Variants in CALN1 observed in about 807,000 individuals in gnomAD.
CALN1 encodes calcium-binding protein 8.
CALN1 carries 17 observed loss-of-function variants against 30.6 expected under a neutral mutation model. That is an observed-to-expected ratio of 0.56 (90% CI 0.38 to 0.83). The LOEUF (loss-of-function observed/expected upper bound fraction) is 0.83. Among genes scored for constraint, CALN1 ranks in the 40% least tolerant of loss-of-function variants. The probability of loss-of-function intolerance (pLI) is 0.00; values close to 1 mark genes in which losing one functional copy is unlikely to be tolerated. For missense variants in CALN1, 291 were observed against 354.9 expected, an observed-to-expected ratio of 0.82 and a Z score of 1.45; for synonymous variants, 156 against 131.4, an observed-to-expected ratio of 1.19 and a Z score of -1.28.
At chr7:72,481,138 A>G in the CALN1 span, among the ~76,000 whole-genome samples, 2 of 152,172 alleles carry the variant, frequency 1.3e-5, no homozygotes, top group Admixed American at 6.5e-5. Context: ...TTTCTGGTAG[A>G]GACGGGTTTT....
intron 5 of CALN1, among the ~76,000 whole-genome samples, chr7:71,985,015 T>C (rs1298702215): frequency 6.6e-6 from 1 of 152,118 alleles, no homozygotes; most frequent in Non-Finnish European, 1.5e-5. Flanking sequence ...CTTGAGTTAT[T>C]ATTTCTCTGC....
At chr7:71,880,526 A>T (rs1433665128) in intron 5 of CALN1, among the ~76,000 whole-genome samples, 1 of 151,316 alleles carries the variant, frequency 6.6e-6, no homozygotes, top group Non-Finnish European at 1.5e-5. Context: ...TGTTTAGGGG[A>T]TCCTATCTGG....
chr7:72,181,109 C>A (rs1173068330), intron 3 of CALN1, among the ~76,000 whole-genome samples: 5 of 53,438 alleles, frequency 9.4e-5, no homozygotes, highest in Admixed American at 1.9e-4. Context: ...CCCCCCCCCC[C>A]CAAAAAAAAA....
chr7:72,360,396 C>A (rs1455459157), intron 2 of CALN1, among the ~76,000 whole-genome samples: 1 of 151,816 alleles, frequency 6.6e-6, no homozygotes, highest in Non-Finnish European at 1.5e-5. Context: ...GTTTTTGGTA[C>A]TATTTTTACA....
chr7:72,349,282 TTGTGTGTGTGTGTGTG>T lies in CALN1; in HGVS notation c.119+53953_119+53968del, dbSNP rs3032183. Among the ~76,000 whole-genome samples the T allele has an allele frequency of 3.3e-3, 482 of 147,848 alleles. 2 individuals are homozygous for T. Among genetic ancestry groups the T allele is most frequent in the Middle Eastern group, 0.021 (6 of 288 alleles). The stretch of plus-strand genomic sequence containing the variant: ...AGAGAGAGACTGTAAACACGCGTGC[TTGTGTGTGTGTGTGTG>T]TGTGTGTGTGTGTGTGTGTGTGTGT... On this transcript the variant is annotated intron_variant, in intron 2 of 6. Transcript: ENST00000395275.
intron 1 of CALN1, 91 bp downstream of exon 1, chr7:72,411,967 A>C (rs1047060235): frequency 1.3e-5 from 2 of 152,200 alleles, no homozygotes; most frequent in African/African-American, 2.4e-5. Flanking sequence ...TTGTCTCCAG[A>C]CTATGAAAGT....
intron 3 of CALN1, among the ~76,000 whole-genome samples, chr7:72,184,237 G>A (rs1249151918): frequency 2.0e-5 from 3 of 152,080 alleles, no homozygotes; most frequent in South Asian, 2.1e-4. Context: ...TATCTTTTAC[G>A]TCATTTATTG....
chr7:71,856,561 C>T (rs1790958570), intron 5 of CALN1, among the ~76,000 whole-genome samples: 1 of 152,094 alleles, frequency 6.6e-6, no homozygotes, highest in African/African-American at 2.4e-5. Flanking sequence ...GGAGGTAAAA[C>T]ATCTGGAAAA....
intron 4 of CALN1, among the ~76,000 whole-genome samples, chr7:72,028,659 A>G (rs1014443440): frequency 3.3e-5 from 5 of 152,172 alleles, no homozygotes; most frequent in Admixed American, 1.3e-4. Context: ...AGATTGGCCA[A>G]TGTATGTTTT....
chr7:71,796,399 G>A (rs1481695986), intron 6 of CALN1, among the ~76,000 whole-genome samples: 5 of 135,826 alleles, frequency 3.7e-5, no homozygotes, highest in African/African-American at 5.6e-5. Flanking sequence ...TCACACTGTC[G>A]CCCGGGCTGG....
chr7:72,077,790 G>A (rs1804850709), intron 4 of CALN1, among the ~76,000 whole-genome samples: 1 of 152,238 alleles, frequency 6.6e-6, no homozygotes, highest in African/African-American at 2.4e-5. Context: ...CCAGGGACAA[G>A]AGAGGCAGTC....
At chr7:72,267,080 A>C (rs1051117931) in intron 3 of CALN1, among the ~76,000 whole-genome samples, 4 of 152,210 alleles carry the variant, frequency 2.6e-5, no homozygotes, top group African/African-American at 9.6e-5. Context: ...TTGAGCCATC[A>C]GATAAGAGTT....
intron 1 of CALN1, among the ~76,000 whole-genome samples, chr7:72,405,533 A>T (rs1195570075): frequency 6.6e-6 from 1 of 151,776 alleles, no homozygotes; most frequent in African/African-American, 2.4e-5. Context: ...ACAGCTGCAC[A>T]CTCTGTCCCC....
chr7:72,235,336 A>T (rs1794403225), intron 3 of CALN1, among the ~76,000 whole-genome samples: 1 of 152,126 alleles, frequency 6.6e-6, no homozygotes, highest in Admixed American at 6.6e-5. Context: ...GTTCAAGCAG[A>T]TCAATTAGAG....
chr7:71,863,113 A>G (rs1173250548), intron 5 of CALN1, among the ~76,000 whole-genome samples: 1 of 151,964 alleles, frequency 6.6e-6, no homozygotes, highest in East Asian at 1.9e-4. Context: ...TTAAAAAGTT[A>G]GCCAGGCATA....
At chr7:72,340,892 G>C (rs1042219614) in intron 2 of CALN1, among the ~76,000 whole-genome samples, 29 of 152,216 alleles carry the variant, frequency 1.9e-4, no homozygotes, top group Admixed American at 1.7e-3. Context: ...TCTCTCATCT[G>C]CTGCCATGTG....
chr7:72,189,517 G>C (rs1180742891), intron 3 of CALN1, among the ~76,000 whole-genome samples: 1 of 152,118 alleles, frequency 6.6e-6, no homozygotes, highest in Admixed American at 6.5e-5. Context: ...AGCCCTTTGG[G>C]AGGCCAAGAC....
intron 5 of CALN1, among the ~76,000 whole-genome samples, chr7:71,833,221 G>A (rs141547551): frequency 5.9e-5 from 9 of 152,232 alleles, no homozygotes; most frequent in East Asian, 3.9e-4. Flanking sequence ...CACTTGCAAC[G>A]GTGTGTGAGA....
intron 4 of CALN1, among the ~76,000 whole-genome samples, chr7:72,087,725 C>T (rs1040815213): frequency 7.9e-5 from 12 of 152,210 alleles, no homozygotes; most frequent in African/African-American, 2.9e-4. Context: ...AGAGAAAGAA[C>T]AGCTATGAGG....
Sources: allele counts gnomAD v4.1 joint callset (sites outside exome capture counted in the v4.1 genomes callset), GRCh38; gene constraint gnomAD v4.1.1; transcripts MANE v1.5; gene names NCBI Gene and HGNC (gene_info 2026-07-23, HGNC 2026-07-21).